RBFOX1: variants seen among roughly 807,000 people sequenced by gnomAD.
The protein encoded by RBFOX1 is RNA binding protein fox-1 homolog 1.
A neutral mutation model predicts 57.7 loss-of-function variants in RBFOX1; 8 were observed. The observed-to-expected ratio is 0.14, with a 90% CI of 0.08 to 0.25. The LOEUF (loss-of-function observed/expected upper bound fraction) is 0.25, where lower values mean the gene tolerates loss of function less well. RBFOX1 is among the 10% of genes least tolerant of loss of function. The probability of loss-of-function intolerance (pLI) is 1.00; values close to 1 mark genes in which losing one functional copy is unlikely to be tolerated. For synonymous variants in RBFOX1, 326 were observed against 222.4 expected (o/e 1.47, Z -4.15); for missense variants, 611 against 548.5 (o/e 1.11, Z -1.14).
At chr16:6,406,601 G>A (rs1296039772) in intron 2 of RBFOX1, among the ~76,000 whole-genome samples, 2 of 147,088 alleles carry the variant, frequency 1.4e-5, no homozygotes, top group Non-Finnish European at 3.0e-5. Context: ...TTCATTTTAA[G>A]CACCCTATTG....
chr16:5,741,012 A>G (rs1186427314), intron 3 of RBFOX1, among the ~76,000 whole-genome samples: 3 of 152,148 alleles, frequency 2.0e-5, no homozygotes, highest in African/African-American at 4.8e-5. Flanking sequence ...TAAAAAATTA[A>G]AAAATGTCTA....
intron 1 of RBFOX1, among the ~76,000 whole-genome samples, chr16:5,295,699 C>G (rs1203981142): frequency 6.6e-6 from 1 of 152,208 alleles, no homozygotes; most frequent in Non-Finnish European, 1.5e-5. Context: ...CCTAGCAAGA[C>G]AACTTAACAT....
chr16:6,655,267 G>T (rs895631633), intron 3 of RBFOX1, among the ~76,000 whole-genome samples: 1 of 149,240 alleles, frequency 6.7e-6, no homozygotes, highest in Non-Finnish European at 1.5e-5. Context: ...CCAGCTACTT[G>T]GGAGGCTGAG....
chr16:5,242,085 G>T (rs2062182451), intron 1 of RBFOX1, among the ~76,000 whole-genome samples: 1 of 152,106 alleles, frequency 6.6e-6, no homozygotes, highest in African/African-American at 2.4e-5. Context: ...CTGCACTCCA[G>T]TCTAGGTGAC....
At chr16:6,022,371 A>G (rs2095099188) in intron 1 of RBFOX1, among the ~76,000 whole-genome samples, 1 of 152,142 alleles carries the variant, frequency 6.6e-6, no homozygotes, top group African/African-American at 2.4e-5. Context: ...ACACATTGCA[A>G]TTAGTATGTT....
chr16:5,337,116 C>T (rs886665767), intron 1 of RBFOX1, among the ~76,000 whole-genome samples: 4 of 152,138 alleles, frequency 2.6e-5, no homozygotes, highest in South Asian at 2.1e-4. Context: ...CGGCTGGGGA[C>T]GGCTGCTTCA....
chr16:5,434,050 G>A (rs1422960414), intron 1 of RBFOX1, among the ~76,000 whole-genome samples: 1 of 152,058 alleles, frequency 6.6e-6, no homozygotes. Flanking sequence ...GGGAGAAGGG[G>A]GTGTCTGACA....
At chr16:6,421,586 A>G (rs1431289469) in intron 2 of RBFOX1, among the ~76,000 whole-genome samples, 1 of 152,188 alleles carries the variant, frequency 6.6e-6, no homozygotes, top group Non-Finnish European at 1.5e-5. Context: ...TATTTTGCAT[A>G]ATGTGGAAAT....
intron 3 of RBFOX1, among the ~76,000 whole-genome samples, chr16:6,862,521 C>T (rs930326672): frequency 2.0e-5 from 3 of 152,202 alleles, no homozygotes; most frequent in Non-Finnish European, 2.9e-5. Flanking sequence ...AGGCAACCAG[C>T]AGAATGGAGG....
At chr16:5,257,946 T>C (rs1316685158) in intron 1 of RBFOX1, among the ~76,000 whole-genome samples, 9 of 152,194 alleles carry the variant, frequency 5.9e-5, no homozygotes. Context: ...TGGTGTGACC[T>C]TGGCTCACTG....
chr16:7,700,669 G>C (rs1326730988), intron 14 of RBFOX1, among the ~76,000 whole-genome samples: 3 of 152,218 alleles, frequency 2.0e-5, no homozygotes, highest in Admixed American at 6.5e-5. Flanking sequence ...GCATTAAAGA[G>C]AATGTGCCTA....
chr16:6,457,620 C>G (rs1318058238), intron 2 of RBFOX1, among the ~76,000 whole-genome samples: 1 of 152,118 alleles, frequency 6.6e-6, no homozygotes, highest in Non-Finnish European at 1.5e-5. Flanking sequence ...ATTCGAAGAC[C>G]TCCCAATTAA....
At chr16:6,327,952 A>G (rs1468960007) in intron 2 of RBFOX1, among the ~76,000 whole-genome samples, 2 of 152,194 alleles carry the variant, frequency 1.3e-5, no homozygotes, top group African/African-American at 4.8e-5. Flanking sequence ...GCGTACACTC[A>G]GAAGACAGCT....
At chr16:7,181,581 C>CGCTT (rs2082723529) in intron 4 of RBFOX1, among the ~76,000 whole-genome samples, 2 of 151,678 alleles carry the variant, frequency 1.3e-5, no homozygotes, top group African/African-American at 4.8e-5. Flanking sequence ...CTCTCTTTCT[C>CGCTT]GCTTGCTTGC....
chr16:6,199,186 G>T (rs993604545), intron 1 of RBFOX1, among the ~76,000 whole-genome samples: 1 of 151,846 alleles, frequency 6.6e-6, no homozygotes, highest in Non-Finnish European at 1.5e-5. Context: ...TCTCTTACTC[G>T]GGAGTAAATA....
At chr16:7,087,662 T>A (rs2151037802) in intron 4 of RBFOX1, among the ~76,000 whole-genome samples, 1 of 152,166 alleles carries the variant, frequency 6.6e-6, no homozygotes, top group Admixed American at 6.5e-5. Context: ...GAAGGAATGT[T>A]ATCCTCATAA....
chr16:5,908,089 CATATATACACAT>C lies in RBFOX1; in HGVS notation c.351+40762_351+40773del, dbSNP rs1567133427. On this transcript the variant is annotated intron_variant, in intron 4 of 19. Transcript: ENST00000641259. ...GTGTATGTATATATATATATATACA[CATATATACACAT>C]ATATATATACACATATATACACATA... 7.0e-4 allele frequency among the ~76,000 whole-genome samples: 96 copies of C among 138,128 alleles called. 1 individual carries two copies. The highest frequency in any genetic ancestry group is 9.4e-4 in the Non-Finnish European group (61 of 65,014). The allele number at this position is 138,128 out of a possible 152,430, so 90.6% of individuals were successfully genotyped here.
chr16:6,869,718 A>G lies in RBFOX1; in HGVS notation c.-15-182339A>G, dbSNP rs1024260392. Among the ~76,000 whole-genome samples, 12 of 152,220 alleles carry G rather than the reference A, an allele frequency of 7.9e-5. 1 individual carries two copies. The East Asian group carries it at 2.3e-3, about 29-fold the overall frequency. ...TTCATGCAGTTGGCAAAGCCATGTG[A>G]CTCTAGAGAACCGTGTTGACTGATT... On this transcript the variant is annotated intron_variant, in intron 3 of 15. Coordinates refer to ENST00000550418, the MANE Select transcript of RBFOX1 (RefSeq NM_018723.4).
chr16:7,597,467 C>G (rs778602605), intron 9 of RBFOX1, 36 bp downstream of exon 9: 18 of 1,494,818 alleles, frequency 1.2e-5, no homozygotes, highest in Middle Eastern at 1.7e-4. Flanking sequence ...GAAATTCTCT[C>G]TACTTCTGAC....
Sources: gnomAD v4.1 joint callset for allele counts (sites outside exome capture counted in the v4.1 genomes callset) on GRCh38, gnomAD v4.1.1 for gene constraint, MANE v1.5 for transcripts, NCBI Gene and HGNC (gene_info 2026-07-23, HGNC 2026-07-21) for gene names.